The following VOPP1 variants were observed in gnomAD, a reference collection of about 807,000 sequenced individuals.
The protein encoded by VOPP1 is WW domain binding protein VOPP1.
VOPP1 carries 8 observed loss-of-function variants against 23.5 expected under a neutral mutation model. The observed-to-expected ratio is 0.34, with a 90% CI of 0.20 to 0.61. The LOEUF (loss-of-function observed/expected upper bound fraction) is 0.61. VOPP1 is among the 20% of genes least tolerant of loss of function. The probability of loss-of-function intolerance (pLI) is 0.78; values close to 1 mark genes in which losing one functional copy is unlikely to be tolerated. For missense variants in VOPP1, 174 were observed against 238.1 expected (o/e 0.73, Z 1.77); for synonymous variants, 83 against 97.3 (o/e 0.85, Z 0.86).
chr7:55,479,656 A>G (rs1480706388), intron 4 of VOPP1, among the ~76,000 whole-genome samples: 2 of 152,238 alleles, frequency 1.3e-5, no homozygotes, highest in Non-Finnish European at 2.9e-5. Context: ...ATCAGTTATG[A>G]TATTAAGCAA....
intron 3 of VOPP1, among the ~76,000 whole-genome samples, chr7:55,496,014 G>A (rs932037591): frequency 1.3e-5 from 2 of 152,218 alleles, no homozygotes; most frequent in African/African-American, 4.8e-5. Context: ...GGTGACCCTG[G>A]CCAGCAGCTA....
chr7:55,566,792 A>T (rs1798177376), intron 1 of VOPP1, among the ~76,000 whole-genome samples: 1 of 152,238 alleles, frequency 6.6e-6, no homozygotes, highest in Non-Finnish European at 1.5e-5. Context: ...CATCCAGTCC[A>T]AAATTTTCAA....
Position 55,436,470 on chromosome 7 carries a change from T to C in VOPP1, n.418-296A>G, listed in dbSNP as rs530218380. 3.9e-5 allele frequency among the ~76,000 whole-genome samples: 6 copies of C among 152,294 alleles called. 1 individual carries two copies. The highest frequency in any genetic ancestry group is 1.4e-4 in the African/African-American group (6 of 41,556). On this transcript the variant is annotated intron_variant and non_coding_transcript_variant, in intron 4 of 4. Coordinates refer to the VOPP1 transcript ENST00000462326. ...TGAAGGTGCCGGTGATTGGCTTTCA[T>C]GTGAGGAAGCACTCACCTGCCTGCA...
chr7:55,557,131 C>A (rs954209522), intron 1 of VOPP1, among the ~76,000 whole-genome samples: 2 of 152,120 alleles, frequency 1.3e-5, no homozygotes, highest in African/African-American at 4.8e-5. Context: ...TATTTAAATG[C>A]TCTTTAAATC....
At chr7:55,535,197 C>T (rs1233823474) in intron 1 of VOPP1, among the ~76,000 whole-genome samples, 3 of 152,230 alleles carry the variant, frequency 2.0e-5, no homozygotes, top group African/African-American at 7.2e-5. Flanking sequence ...AAGGAGGGCA[C>T]ACAGCACACC....
intron 2 of VOPP1, among the ~76,000 whole-genome samples, chr7:55,515,772 C>G (rs1432655535): frequency 6.6e-6 from 1 of 152,166 alleles, no homozygotes; most frequent in African/African-American, 2.4e-5. Flanking sequence ...TTCAATGCTC[C>G]CTGCAGACAC....
intron 2 of VOPP1, among the ~76,000 whole-genome samples, chr7:55,502,693 G>A (rs761332692): frequency 2.0e-5 from 3 of 152,224 alleles, no homozygotes; most frequent in Non-Finnish European, 4.4e-5. Context: ...CTTAATTAAA[G>A]TAGTAAACAT....
At chr7:55,517,313 G>A (rs1795522085) in intron 2 of VOPP1, among the ~76,000 whole-genome samples, 1 of 151,782 alleles carries the variant, frequency 6.6e-6, no homozygotes, top group Non-Finnish European at 1.5e-5. Flanking sequence ...ACTCTCACAT[G>A]ACTATACCAC....
At chr7:55,514,408 G>A (rs919181481) in intron 2 of VOPP1, among the ~76,000 whole-genome samples, 3 of 152,200 alleles carry the variant, frequency 2.0e-5, no homozygotes, top group Non-Finnish European at 4.4e-5. Context: ...ACAACCTGAT[G>A]GCATAGCAGG....
At chr7:55,529,354 G>T (rs1182697015) in intron 1 of VOPP1, among the ~76,000 whole-genome samples, 2 of 98,486 alleles carry the variant, frequency 2.0e-5, no homozygotes, top group African/African-American at 8.7e-5. Context: ...GACAGAGCAA[G>T]ATTCCGTCTC....
At chr7:55,539,357 C>CAA (rs1186232331) in intron 1 of VOPP1, 1 of 151,782 alleles carries the variant, frequency 6.6e-6, no homozygotes, top group Non-Finnish European at 1.5e-5. Flanking sequence ...CCAACAATAA[C>CAA]AAAAAAAGTA....
chr7:55,450,207 C>T (rs1221285829), intron 4 of VOPP1, among the ~76,000 whole-genome samples: 1 of 152,170 alleles, frequency 6.6e-6, no homozygotes, highest in Non-Finnish European at 1.5e-5. Flanking sequence ...GGGCAGGAGA[C>T]CTCAGGCTGG....
At chr7:55,468,007 C>T (rs1183825838), downstream of VOPP1, among the ~76,000 whole-genome samples, 1 of 152,224 alleles carries the variant, frequency 6.6e-6, no homozygotes, top group African/African-American at 2.4e-5. Flanking sequence ...GGGGCAGTGG[C>T]TCACGCCTGT....
At chr7:55,437,666 C>T (rs1421518728) in intron 4 of VOPP1, among the ~76,000 whole-genome samples, 1 of 152,170 alleles carries the variant, frequency 6.6e-6, no homozygotes, top group Non-Finnish European at 1.5e-5. Context: ...TGCCTCCACC[C>T]ACCCTCTGTC....
intron 4 of VOPP1, among the ~76,000 whole-genome samples, chr7:55,436,869 T>G (rs924416457): frequency 6.6e-6 from 1 of 152,058 alleles, no homozygotes; most frequent in African/African-American, 2.4e-5. Flanking sequence ...CCCAGGGAGC[T>G]TTCCCTGGTT....
intron 1 of VOPP1, among the ~76,000 whole-genome samples, chr7:55,526,479 GC>G (rs1796200069): frequency 6.6e-6 from 1 of 152,192 alleles, no homozygotes; most frequent in African/African-American, 2.4e-5. Flanking sequence ...GATGTTGAGT[GC>G]TTCTCCCTTT....
intron 1 of VOPP1, among the ~76,000 whole-genome samples, chr7:55,550,874 G>A (rs544494496): frequency 2.6e-5 from 4 of 152,094 alleles, no homozygotes; most frequent in Non-Finnish European, 4.4e-5. Flanking sequence ...GAATGCATTA[G>A]GCTTATTTTC....
At chr7:55,542,468 G>C (rs1295675753) in intron 1 of VOPP1, among the ~76,000 whole-genome samples, 1 of 152,100 alleles carries the variant, frequency 6.6e-6, no homozygotes, top group Non-Finnish European at 1.5e-5. Flanking sequence ...ACCTTCATGA[G>C]ATCAAATATT....
rs182338115 is a variant in VOPP1 at position 55,473,936 on chromosome 7, C to T, written c.329-891G>A. Among the ~76,000 whole-genome samples, 277 of 152,130 alleles carry T rather than the reference C, an allele frequency of 1.8e-3. 1 individual carries two copies. The highest frequency in any genetic ancestry group is 2.9e-3 in the Non-Finnish European group (199 of 67,962). On this transcript the variant is annotated intron_variant, in intron 4 of 4. Coordinates refer to ENST00000285279, the MANE Select transcript of VOPP1 (RefSeq NM_030796.5). ...TTTTTTTCTTTTTTTGCAATTCTCC[C>T]CCTGACACAGTGTGATATAGTTCTG...
Sources: allele counts gnomAD v4.1 joint callset (sites outside exome capture counted in the v4.1 genomes callset), GRCh38; gene constraint gnomAD v4.1.1; transcripts MANE v1.5; gene names NCBI Gene and HGNC (gene_info 2026-07-23, HGNC 2026-07-21).